TMEM131L: variants seen among roughly 807,000 people sequenced by gnomAD.
The protein encoded by TMEM131L is transmembrane 131 like, also known as transmembrane protein 131-like.
TMEM131L carries 54 observed loss-of-function variants against 192.2 expected under a neutral mutation model. The observed-to-expected ratio is 0.28, with a 90% CI of 0.23 to 0.35. The LOEUF is 0.35. TMEM131L is among the 10% of genes least tolerant of loss of function. The probability of loss-of-function intolerance (pLI) is 1.00; values close to 1 mark genes in which losing one functional copy is unlikely to be tolerated. For missense variants in TMEM131L, 1,888 were observed against 1,972.9 expected (o/e 0.96, Z 0.82); for synonymous variants, 701 against 704.9 (o/e 0.99, Z 0.09).
chr4:153,574,938 A>AG (rs1397056290), intron 7 of TMEM131L, among the ~76,000 whole-genome samples: 1 of 152,222 alleles, frequency 6.6e-6, no homozygotes. Flanking sequence ...AAATTGTGAA[A>AG]GGGGAGAAAG....
intron 4 of TMEM131L, among the ~76,000 whole-genome samples, chr4:153,553,346 C>T (rs2150435742): frequency 6.6e-6 from 1 of 152,076 alleles, no homozygotes; most frequent in African/African-American, 2.4e-5. Context: ...AAGGTCATTT[C>T]ACTACAAGTG....
intron 3 of TMEM131L, among the ~76,000 whole-genome samples, chr4:153,485,538 T>C (rs1452072525): frequency 6.6e-6 from 1 of 152,178 alleles, no homozygotes; most frequent in Non-Finnish European, 1.5e-5. Context: ...CCATGTAAAA[T>C]GTATATAGTA....
intron 19 of TMEM131L, among the ~76,000 whole-genome samples, chr4:153,594,113 T>A (rs536722868): frequency 1.3e-5 from 2 of 152,280 alleles, no homozygotes; most frequent in South Asian, 4.1e-4. Context: ...AGTAAAGAAA[T>A]AACAGTTGAA....
At chr4:153,623,721 A>C (rs1032215053) in intron 29 of TMEM131L, among the ~76,000 whole-genome samples, 2 of 152,162 alleles carry the variant, frequency 1.3e-5, no homozygotes. Flanking sequence ...ACTCCATTGT[A>C]TGTGCAGACA....
chr4:153,584,776 T>A (rs1416829702), intron 11 of TMEM131L, 59 bp from the exon 12 acceptor site: 2 of 1,191,214 alleles, frequency 1.7e-6, no homozygotes, highest in African/African-American at 3.1e-5. Context: ...TATCTTTTGT[T>A]CAGGCTTAAT....
At chr4:153,579,216 C>T (rs886396916) in intron 7 of TMEM131L, among the ~76,000 whole-genome samples, 1 of 151,592 alleles carries the variant, frequency 6.6e-6, no homozygotes, top group African/African-American at 2.4e-5. Context: ...CACAAATTAG[C>T]CATGTGTGGT....
intron 3 of TMEM131L, among the ~76,000 whole-genome samples, chr4:153,539,167 C>A (rs747791341): frequency 7.2e-4 from 109 of 152,138 alleles, no homozygotes; most frequent in Non-Finnish European, 8.8e-4. Flanking sequence ...ATACCTCCCC[C>A]AAAAGGGGGG....
chr4:153,505,090 T>C lies in TMEM131L; in HGVS notation c.239+31202T>C, dbSNP rs1342611523. ...TTTGTACTATCTCTTGGTCCAACTT[T>C]CCATTTCTTTCTTTCTTTCTTTTTT... On this transcript the variant is annotated intron_variant, in intron 3 of 34. Transcript: ENST00000409959. Among the ~76,000 whole-genome samples, 5 of 151,872 alleles carry C rather than the reference T, an allele frequency of 3.3e-5. No individual in the cohort carries two copies. The East Asian group carries it at 9.6e-4, about 29-fold the overall frequency.
At chr4:153,571,943 A>G (rs2150621316) in intron 7 of TMEM131L, among the ~76,000 whole-genome samples, 1 of 152,350 alleles carries the variant, frequency 6.6e-6, no homozygotes, top group East Asian at 1.9e-4. Context: ...CATTTAGCAC[A>G]GATATATTTC....
chr4:153,604,471 A>C (rs1732077278), intron 25 of TMEM131L, 41 bp downstream of exon 25: 1 of 1,536,390 alleles, frequency 6.5e-7, no homozygotes, highest in Non-Finnish European at 8.8e-7. Context: ...TCCTGTTTGT[A>C]CCCAGTCTGT....
chr4:153,612,344 C>G lies in TMEM131L; in HGVS notation c.3511C>G (p.His1171Asp). 6.2e-7 allele frequency: 1 copy of G among 1,600,904 alleles called. No homozygotes were observed. The highest frequency in any genetic ancestry group is 8.5e-7 in the Non-Finnish European group (1 of 1,175,676). Residue 1171 changes from histidine to aspartate, a missense_variant, in exon 26 of 35, where the codon CAC (histidine) becomes GAC (aspartate). By Grantham distance (81) the His-to-Asp change is moderately conservative. Transcript: ENST00000409959. ...AAAGCCTTCTTCAGAAAAGAAGATT[C>G]ACAAAACATCTAGAGAAGACATGTT... Reference protein sequence around the residue: ...DTKPSSEKKIHKTSREDMFSE... With the variant: ...DTKPSSEKKIDKTSREDMFSE...
At position 153,471,969 on chromosome 4, in the gene TMEM131L, G is replaced by C. The variant is rs1353884799; in HGVS notation, c.196-1876G>C. On this transcript the variant is annotated intron_variant, in intron 2 of 34. Coordinates refer to ENST00000409959, the MANE Select transcript of TMEM131L (RefSeq NM_001131007.2). ...GATACACAGAGTTTTTGTTATCACA[G>C]GTACTGTGTTATGTAATAGCATCTT... 2.6e-5 allele frequency among the ~76,000 whole-genome samples: 4 copies of C among 152,288 alleles called. No individual in the cohort carries two copies. The South Asian group carries it at 8.3e-4, about 32-fold the overall frequency.
Position 153,558,272 on chromosome 4 carries a change from C to T in TMEM131L, c.564C>T (p.Gly188=). Residue 188 remains glycine (G), a synonymous_variant, in exon 7 of 35, where the codon GGC becomes GGT. Coordinates refer to ENST00000409959, the MANE Select transcript of TMEM131L (RefSeq NM_001131007.2). The part of the protein sequence containing the change: ...GVLSYHVSGI[G]TRRISTEGSA... ...TTTTTCCGCAGGTATCTGGAATTGGCACTCGTAGAATCTCTACAGAAGGGT... is the reference window on the plus strand; with the variant it reads ...TTTTTCCGCAGGTATCTGGAATTGGTACTCGTAGAATCTCTACAGAAGGGT... 2 of 1,583,930 alleles carry T rather than the reference C, an allele frequency of 1.3e-6. No homozygotes were observed. Among genetic ancestry groups the T allele is most frequent in the African/African-American group, 1.3e-5 (1 of 74,374 alleles).
chr4:153,468,607 C>T (rs1730941034), intron 2 of TMEM131L, among the ~76,000 whole-genome samples: 2 of 152,178 alleles, frequency 1.3e-5, no homozygotes, highest in South Asian at 4.1e-4. Flanking sequence ...AGTTGTTCAA[C>T]AGTGGCACTG....
Position 153,524,696 on chromosome 4 carries a change from G to A in TMEM131L, c.240-25377G>A, listed in dbSNP as rs537578628. Among the ~76,000 whole-genome samples, 17 of 152,288 alleles carry A rather than the reference G, an allele frequency of 1.1e-4. No homozygotes were observed. In the East Asian group the frequency reaches 2.9e-3, roughly 26 times the overall value. On this transcript the variant is annotated intron_variant, in intron 3 of 34. Transcript: ENST00000409959. Reference sequence around the variant, plus strand: ...TGACTTTGGGCAAGCACCCCTCTGGGTTTCCATTTCGTGGCCTGGAGGAGG... The same window carrying A: ...TGACTTTGGGCAAGCACCCCTCTGGATTTCCATTTCGTGGCCTGGAGGAGG...
chr4:153,631,117 T>A (rs1257609281), intron 31 of TMEM131L, among the ~76,000 whole-genome samples: 1 of 152,218 alleles, frequency 6.6e-6, no homozygotes, highest in Non-Finnish European at 1.5e-5. Context: ...TCAAAATGGT[T>A]GTGGTCCTTT....
chr4:153,488,589 G>T (rs545566882), intron 3 of TMEM131L, among the ~76,000 whole-genome samples: 2 of 152,256 alleles, frequency 1.3e-5, no homozygotes, highest in Non-Finnish European at 2.9e-5. Context: ...CTGCGGCTCT[G>T]TTGTGGTGGA....
chr4:153,629,016 CATTG>C (rs1734036007), intron 31 of TMEM131L, among the ~76,000 whole-genome samples: 2 of 152,292 alleles, frequency 1.3e-5, no homozygotes, highest in Admixed American at 1.3e-4. Context: ...TGGCCTGATC[CATTG>C]TTACAGTCAT....
intron 25 of TMEM131L, among the ~76,000 whole-genome samples, chr4:153,609,225 A>G (rs1732447193): frequency 6.6e-6 from 1 of 152,204 alleles, no homozygotes; most frequent in Non-Finnish European, 1.5e-5. Context: ...TAGGAAACAC[A>G]GTTATGGTGG....
Sources: gnomAD v4.1 joint callset for allele counts (sites outside exome capture counted in the v4.1 genomes callset) on GRCh38, gnomAD v4.1.1 for gene constraint, MANE v1.5 for transcripts, NCBI Gene and HGNC (gene_info 2026-07-23, HGNC 2026-07-21) for gene names.